GREB1: variants seen among roughly 807,000 people sequenced by gnomAD.
GREB1 encodes protein GREB1.
In GREB1, 106 loss-of-function variants were observed where a neutral mutation model predicts 200.7. The ratio of observed to expected loss-of-function variants is 0.53; its 90% CI spans 0.45 to 0.62. The LOEUF (loss-of-function observed/expected upper bound fraction) is 0.62. Among genes scored for constraint, GREB1 ranks in the 20% least tolerant of loss-of-function variants. The pLI is 0.00. For missense variants in GREB1, 2,243 were observed against 2,556.8 expected, an observed-to-expected ratio of 0.88 and a Z score of 2.65; for synonymous variants, 1,132 against 1,092.4, an observed-to-expected ratio of 1.04 and a Z score of -0.72.
chr2:11,505,050 G>A (rs890635925), intron 1 of GREB1, among the ~76,000 whole-genome samples: 3 of 152,098 alleles, frequency 2.0e-5, no homozygotes, highest in African/African-American at 7.2e-5. Context: ...TCTTGCCTCA[G>A]CCTCCTAAGT....
At chr2:11,595,836 C>T (rs1681158181) in intron 12 of GREB1, among the ~76,000 whole-genome samples, 1 of 152,126 alleles carries the variant, frequency 6.6e-6, no homozygotes. Context: ...TCAGACCCTT[C>T]GTTTTCCAGA....
In GREB1 at chr2:11,597,757, G is replaced by A. The variant is rs1448045750; in HGVS notation, c.1955-24G>A. Reference sequence around the variant, plus strand: ...TAGCCGTGTGCCCTGGAGCTCACCTGGCATCCTGGGGCTCTGGTTCCAGGT... The same window carrying A: ...TAGCCGTGTGCCCTGGAGCTCACCTAGCATCCTGGGGCTCTGGTTCCAGGT... On this transcript the variant is annotated intron_variant, in intron 13 of 32. Transcript: ENST00000381486. This position sits in a 1 kb window ranked among gnomAD's most constrained non-coding sequence, Gnocchi z 4.1. The A allele has an allele frequency of 9.3e-6, 15 of 1,611,218 alleles. No homozygotes were observed. Among genetic ancestry groups the A allele is most frequent in the Non-Finnish European group, 1.1e-5 (13 of 1,177,814 alleles).
chr2:11,556,251 G>A (rs1217448453), intron 1 of GREB1: 2 of 159,210 alleles, frequency 1.3e-5, no homozygotes, highest in African/African-American at 2.4e-5. Context: ...CCATTCGTCT[G>A]CAGGTCATGG....
intron 1 of GREB1, among the ~76,000 whole-genome samples, chr2:11,516,665 G>A (rs1673514057): frequency 6.8e-6 from 1 of 147,752 alleles, no homozygotes; most frequent in Non-Finnish European, 1.5e-5. Context: ...TGAGGCGTGA[G>A]GGCCAAACGG....
intron 22 of GREB1, among the ~76,000 whole-genome samples, chr2:11,620,468 T>C (rs1683910320): frequency 6.6e-6 from 1 of 152,138 alleles, no homozygotes; most frequent in Non-Finnish European, 1.5e-5. Flanking sequence ...TTTTCCTGGG[T>C]TTAGAAGGAG....
At chr2:11,586,032 C>A in intron 9 of GREB1, 127 bp downstream of exon 9, 1 of 924,658 alleles carries the variant, frequency 1.1e-6, no homozygotes, top group Non-Finnish European at 1.7e-6. Context: ...ACCTAAAATG[C>A]TTTCCAGGGC....
At chr2:11,549,505 G>A (rs1367519989) in intron 1 of GREB1, among the ~76,000 whole-genome samples, 1 of 152,166 alleles carries the variant, frequency 6.6e-6, no homozygotes, top group East Asian at 1.9e-4. Context: ...TAATATGGTA[G>A]GAAAATGACA....
In GREB1 at chr2:11,618,527, T is replaced by A; in HGVS notation, c.3652T>A (p.Ser1218Thr). The change falls in exon 22 of 33, where the codon TCG (serine) becomes ACG (threonine). Residue 1218 changes from serine (S) to threonine (T), a missense_variant. Around this residue, in one of 3 missense-constraint regions of GREB1, gnomAD observed 587 missense variants for 553.1 expected, o/e 1.06. Coordinates refer to ENST00000381486, the MANE Select transcript of GREB1 (RefSeq NM_014668.4). ...GAGCGTCCAGGTGTCGGTCACCTCG[T>A]CGTGCTCCCAGCTGTCCTCCTCCTC... ...QRSVQVSVTSSCSQLSSSSGS... is the reference protein window; with the variant it reads ...QRSVQVSVTSTCSQLSSSSGS... 1 of 1,612,336 alleles carries A rather than the reference T, an allele frequency of 6.2e-7. No homozygotes were observed. The highest frequency in any genetic ancestry group is 8.5e-7 in the Non-Finnish European group (1 of 1,179,714).
chr2:11,625,092 C>A (rs1398557252), intron 23 of GREB1, 62 bp from the exon 24 acceptor site: 2 of 1,312,012 alleles, frequency 1.5e-6, no homozygotes, highest in East Asian at 2.3e-5. Context: ...TTTAGCGACA[C>A]ATGACTGTAA....
chr2:11,593,418 G>GT lies in GREB1; in HGVS notation c.1696+292_1696+293insT, dbSNP rs1288895169. Among the ~76,000 whole-genome samples the GT allele has an allele frequency of 3.7e-4, 45 of 120,902 alleles. No homozygotes were observed. In the East Asian group the frequency reaches 0.01, roughly 28 times the overall value. 79.3% of individuals were successfully genotyped at this position (120,902 alleles called of 152,430 possible). A position where few individuals can be genotyped will look rare whatever the true frequency, so the allele number is the denominator to read the frequency against. On this transcript the variant is annotated intron_variant, in intron 11 of 32. Transcript: ENST00000381486. ...CCACGTGGGTGGTCACTCACACCAG[G>GT]ATGGCCCTGTTTCTTCACTGATCTA...
chr2:11,640,588 A>G lies in GREB1; in HGVS notation c.*134A>G. 1.0e-6 allele frequency: 1 copy of G among 991,556 alleles called. No homozygotes were observed. Among genetic ancestry groups the G allele is most frequent in the Middle Eastern group, 2.1e-4 (1 of 4,680 alleles). 61.4% of individuals were successfully genotyped at this position (991,556 alleles called of 1,614,324 possible). On this transcript the variant is annotated 3_prime_UTR_variant, in exon 33 of 33. Coordinates refer to ENST00000381486, the MANE Select transcript of GREB1 (RefSeq NM_014668.4). The surrounding 1 kb of genome is among the most constrained non-coding windows in gnomAD (Gnocchi z 4.6). ...GGACTGTCCAGGTGCAGCCCCTCCT[A>G]GTACACATGGGCCCCCGAGGCCGTG... is the stretch of plus-strand genomic sequence containing the variant.
chr2:11,640,361 G>A lies in GREB1; in HGVS notation c.5757G>A (p.Glu1919=). ...AGACGGTCGTCCGCCTGGAGCTCGA[G>A]GACGAGTGGCAGTTCCGGCTGCGCG... is the stretch of plus-strand genomic sequence containing the variant. The part of the protein sequence containing the change: ...LRQTVVRLEL[E]DEWQFRLRDE... The change falls in exon 33 of 33, where the codon GAG becomes GAA. Residue 1919 remains glutamate, a synonymous_variant. Transcript: ENST00000381486. This position sits in a 1 kb window ranked among gnomAD's most constrained non-coding sequence, Gnocchi z 4.6. 5 of 1,614,210 alleles carry A rather than the reference G, an allele frequency of 3.1e-6. No individual in the cohort carries two copies. The highest frequency in any genetic ancestry group is 4.2e-6 in the Non-Finnish European group (5 of 1,180,048).
chr2:11,589,083 C>G, intron 10 of GREB1, 152 bp downstream of exon 10: 1 of 646,746 alleles, frequency 1.5e-6, no homozygotes, highest in South Asian at 1.9e-5. Flanking sequence ...GTCATGAAGT[C>G]ACTGTGGGCG....
chr2:11,518,420 T>C (rs1258301920), intron 1 of GREB1, among the ~76,000 whole-genome samples: 1 of 152,128 alleles, frequency 6.6e-6, no homozygotes, highest in Non-Finnish European at 1.5e-5. Flanking sequence ...CTTGTCATTG[T>C]ATCTCAGACA....
Position 11,615,266 on chromosome 2 carries a change from G to A in GREB1, c.3298G>A (p.Glu1100Lys), listed in dbSNP as rs751691093. The change falls in exon 20 of 33, where the codon GAG becomes AAG. Residue 1100 changes from glutamate to lysine, a missense_variant. This residue lies in a region of GREB1 where 587 missense variants were observed against 553.1 expected (regional missense o/e 1.06). Coordinates refer to ENST00000381486, the MANE Select transcript of GREB1 (RefSeq NM_014668.4). ...TGAGAAGCTGAGCAGCACAGACAAC[G>A]AGGATGAGGAGCTGGGGACAGAAGG... The part of the protein sequence containing the change: ...DAEKLSSTDN[E>K]DEELGTEGST... 6.3e-7 allele frequency: 1 copy of A among 1,597,666 alleles called. No homozygotes were observed.
intron 23 of GREB1, among the ~76,000 whole-genome samples, chr2:11,621,644 A>G (rs1435589002): frequency 6.6e-6 from 1 of 152,110 alleles, no homozygotes; most frequent in Non-Finnish European, 1.5e-5. Flanking sequence ...CTGGTCAATG[A>G]ATCTGCTGTG....
chr2:11,528,112 A>T (rs900275717), intron 1 of GREB1, among the ~76,000 whole-genome samples: 2 of 152,242 alleles, frequency 1.3e-5, no homozygotes, highest in Non-Finnish European at 2.9e-5. Flanking sequence ...GGATTATGTC[A>T]GACCTTCCTG....
Position 11,621,011 on chromosome 2 carries a change from AGTTATCT to A in GREB1, c.4147+8_4147+14del. ...GACGAGGAGGAGATCAATATCAGTGAGTTATCTGTTTGGGGTTATGTGGGCTTGGAGC... is the reference window on the plus strand; with the variant it reads ...GACGAGGAGGAGATCAATATCAGTGAGTTTGGGGTTATGTGGGCTTGGAGC... On this transcript the variant is annotated splice_donor_5th_base_variant and intron_variant, in intron 23 of 32. Transcript: ENST00000381486. 1 of 1,558,896 alleles carries A rather than the reference AGTTATCT, an allele frequency of 6.4e-7. No homozygotes were observed. Among genetic ancestry groups the A allele is most frequent in the Non-Finnish European group, 8.9e-7 (1 of 1,129,486 alleles).
intron 1 of GREB1, among the ~76,000 whole-genome samples, chr2:11,501,919 T>G (rs1347256636): frequency 7.0e-5 from 8 of 115,092 alleles, no homozygotes; most frequent in South Asian, 3.2e-4. Context: ...TTTTTTTTTT[T>G]TTTTTTTTTT....
Sources: gnomAD v4.1 joint callset for allele counts (sites outside exome capture counted in the v4.1 genomes callset) on GRCh38, gnomAD v4.1.1 for gene constraint, gnomAD v4.1.1 regional missense constraint, Gnocchi (gnomAD v3.1) non-coding constraint, MANE v1.5 for transcripts, NCBI Gene and HGNC (gene_info 2026-07-23, HGNC 2026-07-21) for gene names.